The following SETD2 variants were observed in gnomAD, a reference collection of about 807,000 sequenced individuals.
SETD2 encodes SET domain containing 2, histone lysine methyltransferase.
In SETD2, 31 loss-of-function variants were observed where a neutral mutation model predicts 242.1. The observed-to-expected ratio is 0.13, with a 90% CI of 0.10 to 0.17. The LOEUF (loss-of-function observed/expected upper bound fraction) is 0.17. SETD2 is among the 10% of genes least tolerant of loss of function. SETD2 has a pLI of 1.00. For synonymous variants in SETD2, 1,006 were observed against 1,066.5 expected, an observed-to-expected ratio of 0.94 and a Z score of 1.11; for missense variants, 2,481 against 3,046.3, an observed-to-expected ratio of 0.81 and a Z score of 4.37.
intron 15 of SETD2, among the ~76,000 whole-genome samples, chr3:47,049,973 T>C (rs1239143169): frequency 4.1e-5 from 6 of 146,990 alleles, no homozygotes; most frequent in African/African-American, 1.5e-4. Flanking sequence ...TATTTATATG[T>C]TTTTCTTATA....
Position 47,057,103 on chromosome 3 carries a change from T to G in SETD2, c.6681A>C (p.Pro2227=). 2 of 1,614,202 alleles carry G rather than the reference T, an allele frequency of 1.2e-6. No homozygotes were observed. Among genetic ancestry groups the G allele is most frequent in the Non-Finnish European group, 1.7e-6 (2 of 1,180,020 alleles). The change falls in exon 15 of 21, where the codon CCA becomes CCC. Residue 2227 remains proline, a synonymous_variant. Coordinates refer to ENST00000409792, the MANE Select transcript of SETD2 (RefSeq NM_014159.7). ...AAACTTCCACAGGAGCTGCCACATG[T>G]GGCACCACTGGTACTGGTGGAGGGG... ...LSAPPPVPVV[P]HVAAPVEVSS...
chr3:47,088,013 T>A, intron 10 of SETD2, 100 bp downstream of exon 10: 1 of 1,167,836 alleles, frequency 8.6e-7, no homozygotes, highest in Non-Finnish European at 1.2e-6. Flanking sequence ...ATAAATAAAA[T>A]AAGACTAACT....
At position 47,017,745 on chromosome 3, in the gene SETD2, G is replaced by C. The variant is rs1003257297; in HGVS notation, c.7432-6C>G. On this transcript the variant is annotated splice_region_variant and splice_polypyrimidine_tract_variant and intron_variant, in intron 19 of 20. Transcript: ENST00000409792. The surrounding 1 kb of genome is among the most constrained non-coding windows in gnomAD (Gnocchi z 4.8). Reference sequence around the variant, plus strand: ...TGGACGATGAACTGGGACATCTGCAGGCAGAGAAAAGAGAACACGTTGCTC... The same window carrying C: ...TGGACGATGAACTGGGACATCTGCACGCAGAGAAAAGAGAACACGTTGCTC... The C allele has an allele frequency of 6.2e-7, 1 of 1,607,308 alleles. No homozygotes were observed. The highest frequency in any genetic ancestry group is 8.5e-7 in the Non-Finnish European group (1 of 1,173,730).
chr3:47,029,040 AC>A, intron 18 of SETD2: 2 of 202,688 alleles, frequency 9.9e-6, no homozygotes, highest in Non-Finnish European at 2.0e-5. Context: ...CTAACCCTGA[AC>A]TATCAAACAC....
intron 18 of SETD2, among the ~76,000 whole-genome samples, chr3:47,035,444 C>T (rs1417873260): frequency 2.0e-5 from 3 of 152,228 alleles, no homozygotes; most frequent in African/African-American, 7.2e-5. Flanking sequence ...TGTAGCATGG[C>T]ACATAAGCTG....
chr3:47,126,020 C>G (rs1475518100), intron 2 of SETD2, among the ~76,000 whole-genome samples: 2 of 152,102 alleles, frequency 1.3e-5, no homozygotes, highest in South Asian at 2.1e-4. Context: ...TATCATGGAG[C>G]AGTGAATTCC....
chr3:47,058,995 G>C (rs1216267533), intron 14 of SETD2, among the ~76,000 whole-genome samples: 1 of 151,112 alleles, frequency 6.6e-6, no homozygotes, highest in Non-Finnish European at 1.5e-5. Flanking sequence ...ATTTTTAGTA[G>C]AGACAGGGTT....
chr3:47,045,779 A>ATT (rs199527736), intron 16 of SETD2, among the ~76,000 whole-genome samples: 10 of 137,512 alleles, frequency 7.3e-5, no homozygotes, highest in East Asian at 2.2e-4. Context: ...TCCTAGGAGC[A>ATT]TTTTTTTTTT....
chr3:47,033,073 G>T (rs569024361), intron 18 of SETD2, among the ~76,000 whole-genome samples: 1 of 152,060 alleles, frequency 6.6e-6, no homozygotes, highest in Non-Finnish European at 1.5e-5. Flanking sequence ...ACCATACAAA[G>T]GTTCATATTC....
In SETD2 at chr3:47,106,058, A is replaced by G; in HGVS notation, c.4778T>C (p.Val1593Ala). 1 of 1,613,702 alleles carries G rather than the reference A, an allele frequency of 6.2e-7. No individual in the cohort carries two copies. The highest frequency in any genetic ancestry group is 8.5e-7 in the Non-Finnish European group (1 of 1,179,788). Residue 1593 changes from valine (V) to alanine (A), a missense_variant, in exon 6 of 21, where the codon GTG becomes GCG. Physicochemically the swap from Val to Ala is moderately conservative, Grantham distance 64. Around this residue, in one of 17 missense-constraint regions of SETD2, gnomAD observed 61 missense variants for 221.4 expected, o/e 0.28. Transcript: ENST00000409792. ...GTTTTTGTTTCGTGCATACTCCTTC[A>G]CTCGAGCTTTAAACTCTTTATGATC... ...VLDHKEFKAR[V>A]KEYARNKNIH... is the part of the protein sequence containing the mutation.
chr3:47,084,663 T>G (rs1017696024), intron 11 of SETD2, among the ~76,000 whole-genome samples: 1 of 151,934 alleles, frequency 6.6e-6, no homozygotes, highest in Non-Finnish European at 1.5e-5. Flanking sequence ...TGACCTCAAG[T>G]GATCCACCCA....
intron 14 of SETD2, among the ~76,000 whole-genome samples, chr3:47,060,494 T>C (rs1458918904): frequency 6.6e-6 from 1 of 152,094 alleles, no homozygotes; most frequent in Non-Finnish European, 1.5e-5. Context: ...GATCTTCCCA[T>C]ATATGAAAAT....
At chr3:47,100,613 C>T (rs72913679) in intron 8 of SETD2, among the ~76,000 whole-genome samples, 10,125 of 152,088 alleles carry the variant, frequency 0.067, 1,134 homozygotes, top group African/African-American at 0.23. Flanking sequence ...GTGCTTCAAA[C>T]CTCCTCAGTA....
At chr3:47,100,398 T>C (rs2042164085) in intron 8 of SETD2, among the ~76,000 whole-genome samples, 1 of 152,054 alleles carries the variant, frequency 6.6e-6, no homozygotes, top group South Asian at 2.1e-4. Flanking sequence ...GTAGCTGGGA[T>C]TACAGGCGTG....
At chr3:47,112,343 G>T (rs28461393) in intron 5 of SETD2, among the ~76,000 whole-genome samples, 6,438 of 151,930 alleles carry the variant, frequency 0.042, 467 homozygotes, top group African/African-American at 0.15. Context: ...GTACAATGGC[G>T]CAATCTCGGC....
intron 18 of SETD2, chr3:47,028,734 T>G (rs1401797831): frequency 1.3e-5 from 2 of 152,190 alleles, no homozygotes; most frequent in Non-Finnish European, 2.9e-5. Flanking sequence ...ATGAACACAG[T>G]GAAGAAATTA....
intron 18 of SETD2, among the ~76,000 whole-genome samples, chr3:47,023,887 G>C (rs2038351677): frequency 1.3e-5 from 2 of 152,122 alleles, no homozygotes; most frequent in African/African-American, 4.8e-5. Flanking sequence ...AGGGTGTCTT[G>C]AAATCAATCC....
chr3:47,164,016 GC>G lies in SETD2; in HGVS notation c.-93del, dbSNP rs1697593409. 2.6e-5 allele frequency: 1 copy of G among 38,174 alleles called. No homozygotes were observed. Among genetic ancestry groups the G allele is most frequent in the Non-Finnish European group, 3.3e-5 (1 of 30,356 alleles). The allele number at this position is 38,174 out of a possible 1,614,324, so 2.4% of individuals were successfully genotyped here. Reference sequence around the variant, plus strand: ...GGAGGAGGCCGCAGGTCCGACCGCGGCGGCGGCGGCGGCGGCGGCGGCGGCG... The same window carrying G: ...GGAGGAGGCCGCAGGTCCGACCGCGGGGCGGCGGCGGCGGCGGCGGCGGCG... On this transcript the variant is annotated 5_prime_UTR_variant, in exon 1 of 21. Transcript: ENST00000409792. The surrounding 1 kb of genome is among the most constrained non-coding windows in gnomAD (Gnocchi z 5.4).
chr3:47,099,221 CTCA>C (rs1158416686), intron 8 of SETD2, among the ~76,000 whole-genome samples: 6 of 152,212 alleles, frequency 3.9e-5, no homozygotes, highest in African/African-American at 1.2e-4. Flanking sequence ...GAATTAAAAC[CTCA>C]TCATATGGTA....
Sources: allele counts gnomAD v4.1 joint callset (sites outside exome capture counted in the v4.1 genomes callset), GRCh38; gene constraint gnomAD v4.1.1; regional missense constraint gnomAD v4.1.1; non-coding constraint Gnocchi (gnomAD v3.1); transcripts MANE v1.5; gene names NCBI Gene and HGNC (gene_info 2026-07-23, HGNC 2026-07-21).